MAP3K3: variants seen among roughly 807,000 people sequenced by gnomAD.
The protein encoded by MAP3K3 is MAP/ERK kinase kinase 3.
Under a neutral mutation model 80.9 loss-of-function variants are expected in MAP3K3, and 12 were observed. That is an observed-to-expected ratio of 0.15 (90% CI 0.10 to 0.24). MAP3K3 has a LOEUF of 0.24. Among genes scored for constraint, MAP3K3 ranks in the 10% least tolerant of loss-of-function variants. The probability of loss-of-function intolerance (pLI) is 1.00; values close to 1 mark genes in which losing one functional copy is unlikely to be tolerated. For synonymous variants in MAP3K3, 272 were observed against 307.1 expected, an observed-to-expected ratio of 0.89 and a Z score of 1.19; for missense variants, 596 against 834.7, an observed-to-expected ratio of 0.71 and a Z score of 3.52.
intron 6 of MAP3K3, among the ~76,000 whole-genome samples, chr17:63,667,690 A>G (rs2035027738): frequency 6.6e-6 from 1 of 152,218 alleles, no homozygotes; most frequent in African/African-American, 2.4e-5. Context: ...TTCATAGTTT[A>G]AATCATCTCC....
chr17:63,692,498 T>C lies in MAP3K3; in HGVS notation c.1652+79T>C. ...CCATTAGAAACACACCCTGGGGACT[T>C]TGTGGTGTGGCAGGAGGGAGTGTGC... On this transcript the variant is annotated intron_variant, in intron 15 of 15. Coordinates refer to ENST00000361733, the MANE Select transcript of MAP3K3 (RefSeq NM_002401.5). This position sits in a 1 kb window ranked among gnomAD's most constrained non-coding sequence, Gnocchi z 4.5. 1 of 1,443,976 alleles carries C rather than the reference T, an allele frequency of 6.9e-7. No homozygotes were observed. The highest frequency in any genetic ancestry group is 9.3e-7 in the Non-Finnish European group (1 of 1,079,374). The allele number at this position is 1,443,976 out of a possible 1,614,324, so 89.4% of individuals were successfully genotyped here. A position where few individuals can be genotyped will look rare whatever the true frequency, so the allele number is the denominator to read the frequency against.
At position 63,661,528 on chromosome 17, in the gene MAP3K3, T is replaced by G. The variant is rs2034890853; in HGVS notation, c.381+3621T>G. On this transcript the variant is annotated intron_variant, in intron 5 of 15. Coordinates refer to ENST00000361733, the MANE Select transcript of MAP3K3 (RefSeq NM_002401.5). Reference sequence around the variant, plus strand: ...TCTTGACCTTCTTAGGACTTTCTAGTCTCAGATCTTCCACTGTCATAAAGT... The same window carrying G: ...TCTTGACCTTCTTAGGACTTTCTAGGCTCAGATCTTCCACTGTCATAAAGT... Among the ~76,000 whole-genome samples, 3 of 152,240 alleles carry G rather than the reference T, an allele frequency of 2.0e-5. No individual in the cohort carries two copies. In the East Asian group the frequency reaches 5.8e-4, roughly 29 times the overall value.
rs117746927 is a variant in MAP3K3 at position 63,673,926 on chromosome 17, A to G, written c.502+6866A>G. ...TGTCTCAAAAAAATAAAAAATAAAT[A>G]AAAATTATCCAGGTGTGGTCGTGCG... On this transcript the variant is annotated intron_variant, in intron 6 of 15. Transcript: ENST00000361733. Among the ~76,000 whole-genome samples the G allele has an allele frequency of 9.1e-3, 1,382 of 152,102 alleles. 7 individuals are homozygous for G. Among genetic ancestry groups the G allele is most frequent in the South Asian group, 0.028 (135 of 4,814 alleles).
intron 6 of MAP3K3, 67 bp from the exon 7 acceptor site, chr17:63,681,699 C>A: frequency 7.5e-7 from 1 of 1,334,632 alleles, no homozygotes; most frequent in Non-Finnish European, 9.7e-7. Context: ...TAGTTGGCCC[C>A]ATGCCTGCTC....
chr17:63,675,500 G>C (rs912041854), intron 6 of MAP3K3, among the ~76,000 whole-genome samples: 1 of 152,204 alleles, frequency 6.6e-6, no homozygotes, highest in African/African-American at 2.4e-5. Flanking sequence ...TCAGCTTTAA[G>C]TCAGAGTACA....
chr17:63,693,388 T>C lies in MAP3K3; in HGVS notation c.1653-161T>C, dbSNP rs966984416. ...CAGGTGTGTGGTGAGTGTAGGTCCATGAAGCCCACGTGGACAGACATCCAA... is the reference window on the plus strand; with the variant it reads ...CAGGTGTGTGGTGAGTGTAGGTCCACGAAGCCCACGTGGACAGACATCCAA... On this transcript the variant is annotated intron_variant, in intron 15 of 15. Transcript: ENST00000361733. The surrounding 1 kb of genome is among the most constrained non-coding windows in gnomAD (Gnocchi z 4.2). Among the ~76,000 whole-genome samples, 3 of 152,140 alleles carry C rather than the reference T, an allele frequency of 2.0e-5. No individual in the cohort carries two copies. The highest frequency in any genetic ancestry group is 7.2e-5 in the African/African-American group (3 of 41,492).
rs2143652329 is a variant in MAP3K3, at chr17:63,695,055, C to G, written c.*1278C>G. ...GCCTATTGCTAGAGCTCCTCCCTCT[C>G]AACACCCAGTTTCCTTGGGAGTTGT... On this transcript the variant is annotated 3_prime_UTR_variant, in exon 16 of 16. Coordinates refer to ENST00000361733, the MANE Select transcript of MAP3K3 (RefSeq NM_002401.5). The surrounding 1 kb of genome is among the most constrained non-coding windows in gnomAD (Gnocchi z 4.1). 1 of 150,694 alleles carries G rather than the reference C, an allele frequency of 6.6e-6. No individual in the cohort carries two copies. The highest frequency in any genetic ancestry group is 3.4e-3 in the Middle Eastern group (1 of 292). The allele number at this position is 150,694 out of a possible 1,614,324, so 9.3% of individuals were successfully genotyped here.
At chr17:63,641,029 C>T (rs2034431013) in intron 2 of MAP3K3, among the ~76,000 whole-genome samples, 1 of 152,174 alleles carries the variant, frequency 6.6e-6, no homozygotes, top group African/African-American at 2.4e-5. Context: ...AACATGCATT[C>T]TGAAACACTT....
intron 12 of MAP3K3, 195 bp from the exon 13 acceptor site, chr17:63,690,907 A>G: frequency 4.8e-6 from 3 of 622,612 alleles, no homozygotes; most frequent in South Asian, 4.1e-5. Flanking sequence ...CCTTCCACCC[A>G]TGGGAGTGCC....
At chr17:63,628,362 CTTT>C (rs551646151) in intron 1 of MAP3K3, among the ~76,000 whole-genome samples, 3 of 141,482 alleles carry the variant, frequency 2.1e-5, no homozygotes, top group Admixed American at 7.1e-5. Context: ...CTAATTCTGT[CTTT>C]TTTTTTTTTT....
Position 63,691,658 on chromosome 17 carries a change from C to G in MAP3K3, c.1345-75C>G, listed in dbSNP as rs77452167. 1,486 of 1,561,988 alleles carry G rather than the reference C, an allele frequency of 9.5e-4. 17 individuals carry two copies. The African/African-American group carries it at 0.018, about 19-fold the overall frequency. ...AACAAATCACTCCTTTGCTGCCATGCTGGGGGCTGGAATGGGCTTGCCCCT... is the reference window on the plus strand; with the variant it reads ...AACAAATCACTCCTTTGCTGCCATGGTGGGGGCTGGAATGGGCTTGCCCCT... On this transcript the variant is annotated intron_variant, in intron 13 of 15. Coordinates refer to ENST00000361733, the MANE Select transcript of MAP3K3 (RefSeq NM_002401.5). The surrounding 1 kb of genome is among the most constrained non-coding windows in gnomAD (Gnocchi z 4.8).
intron 6 of MAP3K3, among the ~76,000 whole-genome samples, chr17:63,670,287 A>C (rs1032034333): frequency 5.3e-5 from 8 of 152,012 alleles, no homozygotes; most frequent in African/African-American, 1.7e-4. Flanking sequence ...CAGGTGGGCT[A>C]TAACTAAGAA....
chr17:63,685,250 A>G (rs1464004772), intron 7 of MAP3K3, among the ~76,000 whole-genome samples: 2 of 152,230 alleles, frequency 1.3e-5, no homozygotes, highest in Non-Finnish European at 2.9e-5. Flanking sequence ...AGAACATGCC[A>G]ACAAGAAAAG....
At chr17:63,657,973 C>A in intron 5 of MAP3K3, 66 bp downstream of exon 5, 1 of 888,002 alleles carries the variant, frequency 1.1e-6, no homozygotes, top group Non-Finnish European at 1.8e-6. Context: ...GAACTTGTCT[C>A]GCCTCCTTGA....
At chr17:63,674,207 G>C (rs1366063376) in intron 6 of MAP3K3, among the ~76,000 whole-genome samples, 1 of 152,088 alleles carries the variant, frequency 6.6e-6, no homozygotes, top group African/African-American at 2.4e-5. Context: ...TTGTCCCATA[G>C]TGAGGCAAGC....
intron 6 of MAP3K3, chr17:63,672,898 CAG>C (rs1392605596): frequency 6.6e-6 from 1 of 152,190 alleles, no homozygotes; most frequent in African/African-American, 2.4e-5. Context: ...GGAAGGGAAA[CAG>C]AGACAGAAGT....
chr17:63,677,919 G>T (rs1456230156), intron 6 of MAP3K3, among the ~76,000 whole-genome samples: 2 of 152,222 alleles, frequency 1.3e-5, no homozygotes, highest in African/African-American at 2.4e-5. Flanking sequence ...ACACCTGGCA[G>T]GCTGTCATAT....
chr17:63,693,224 A>G lies in MAP3K3; in HGVS notation c.1653-325A>G, dbSNP rs1277912649. Among the ~76,000 whole-genome samples, 1 of 152,186 alleles carries G rather than the reference A, an allele frequency of 6.6e-6. No individual in the cohort carries two copies. The highest frequency in any genetic ancestry group is 2.4e-5 in the African/African-American group (1 of 41,454). ...GACCTCTGACCTTCAGAACTGTAAG[A>G]TGATACATTTGTGTTGTTTTCCTGC... On this transcript the variant is annotated intron_variant, in intron 15 of 15. Coordinates refer to ENST00000361733, the MANE Select transcript of MAP3K3 (RefSeq NM_002401.5). This position sits in a 1 kb window ranked among gnomAD's most constrained non-coding sequence, Gnocchi z 4.2.
At chr17:63,675,358 A>G (rs74698867) in intron 6 of MAP3K3, among the ~76,000 whole-genome samples, 2,208 of 152,370 alleles carry the variant, frequency 0.014, 60 homozygotes, top group African/African-American at 0.051. Flanking sequence ...CTATCTCTTT[A>G]TACTTGCAGT....
Sources: gnomAD v4.1 joint callset for allele counts (sites outside exome capture counted in the v4.1 genomes callset) on GRCh38, gnomAD v4.1.1 for gene constraint, Gnocchi (gnomAD v3.1) non-coding constraint, MANE v1.5 for transcripts, NCBI Gene and HGNC (gene_info 2026-07-23, HGNC 2026-07-21) for gene names.